Variants in STK32A observed in about 807,000 individuals in gnomAD.
STK32A encodes the protein serine/threonine-protein kinase 32A.
A neutral mutation model predicts 53.2 loss-of-function variants in STK32A; 41 were observed. The observed-to-expected ratio is 0.77, with a 90% CI of 0.60 to 1.00. STK32A has a LOEUF of 1.00. STK32A is among the 50% of genes least tolerant of loss of function. STK32A has a pLI of 0.00. For synonymous variants in STK32A, 166 were observed against 162.8 expected (o/e 1.02, Z -0.15); for missense variants, 458 against 485.8 (o/e 0.94, Z 0.54).
At position 147,383,493 on chromosome 5, in the gene STK32A, T is replaced by C; in HGVS notation, c.1085T>C (p.Phe362Ser). Residue 362 changes from phenylalanine to serine, a missense_variant, in exon 12 of 13, where the codon TTC (phenylalanine) becomes TCC (serine). Transcript: ENST00000397936. ...TCTGTCCAGAAGGAGTTCATAATTTTCAACAGAGAAAAGTAAGTAATTCCT... is the reference window on the plus strand; with the variant it reads ...TCTGTCCAGAAGGAGTTCATAATTTCCAACAGAGAAAAGTAAGTAATTCCT... ...LDSVQKEFIIFNREKVNRDFN... is the reference protein window; with the variant it reads ...LDSVQKEFIISNREKVNRDFN... 1 of 1,592,070 alleles carries C rather than the reference T, an allele frequency of 6.3e-7. No homozygotes were observed. Among genetic ancestry groups the C allele is most frequent in the Non-Finnish European group, 8.6e-7 (1 of 1,168,752 alleles).
intron 5 of STK32A, among the ~76,000 whole-genome samples, chr5:147,328,981 C>T (rs2151980540): frequency 6.6e-6 from 1 of 152,138 alleles, no homozygotes; most frequent in East Asian, 1.9e-4. Context: ...GAGAATTACC[C>T]CCCACTATAA....
intron 4 of STK32A, among the ~76,000 whole-genome samples, chr5:147,313,845 G>C (rs961703869): frequency 1.1e-4 from 16 of 152,150 alleles, no homozygotes; most frequent in African/African-American, 3.9e-4. Context: ...TCAACAACTG[G>C]TGCTGGGACA....
intron 5 of STK32A, among the ~76,000 whole-genome samples, chr5:147,332,928 T>C (rs1754943860): frequency 6.6e-6 from 1 of 152,206 alleles, no homozygotes; most frequent in South Asian, 2.1e-4. Flanking sequence ...TGAAAACCCA[T>C]GTGAAAAGGC....
intron 8 of STK32A, 69 bp downstream of exon 8, chr5:147,361,683 T>G (rs1756512133): frequency 4.5e-5 from 42 of 935,824 alleles, no homozygotes; most frequent in Non-Finnish European, 6.1e-5. Context: ...AAGAATGTAT[T>G]GTTTGCTAAG....
chr5:147,331,355 A>T (rs1754862401), intron 5 of STK32A, among the ~76,000 whole-genome samples: 1 of 152,136 alleles, frequency 6.6e-6, no homozygotes, highest in Non-Finnish European at 1.5e-5. Flanking sequence ...CTCTGAGGGG[A>T]TTAAGCAACT....
chr5:147,396,540 CAAG>C, the STK32A span, among the ~76,000 whole-genome samples: 2 of 152,160 alleles, frequency 1.3e-5, no homozygotes. Context: ...TGGATCATCA[CAAG>C]AAGTCCTGTC....
intron 5 of STK32A, among the ~76,000 whole-genome samples, chr5:147,328,395 A>C (rs1171535431): frequency 6.6e-6 from 1 of 152,212 alleles, no homozygotes; most frequent in Non-Finnish European, 1.5e-5. Context: ...ATGGACTTGA[A>C]CTTTTGGTAG....
In STK32A at chr5:147,385,994, A is replaced by C. The variant is rs1757631975; in HGVS notation, c.*2011A>C. ...CACTGGGGCAACCAAGTATGTGTAG[A>C]AAGCCAGAGCTAAACTTCAGCTTGG... On this transcript the variant is annotated 3_prime_UTR_variant, in exon 13 of 13. Coordinates refer to ENST00000397936, the MANE Select transcript of STK32A (RefSeq NM_001112724.2). 6.6e-6 allele frequency: 1 copy of C among 152,246 alleles called. No homozygotes were observed. Among genetic ancestry groups the C allele is most frequent in the Admixed American group, 6.5e-5 (1 of 15,284 alleles). The allele number at this position is 152,246 out of a possible 1,614,324, so 9.4% of individuals were successfully genotyped here.
chr5:147,298,004 T>C (rs1752948554), intron 4 of STK32A, among the ~76,000 whole-genome samples: 1 of 151,354 alleles, frequency 6.6e-6, no homozygotes, highest in Admixed American at 6.6e-5. Context: ...TACTATCTGA[T>C]GTTGGGTCAA....
Position 147,359,679 on chromosome 5 carries a change from C to A in STK32A, c.563-1838C>A, listed in dbSNP as rs186356074. ...AAGGGAGAGCAGAAATATAGTCCAT[C>A]CTGTCTGTGGGAGTAGTGTGGGGTC... On this transcript the variant is annotated intron_variant, in intron 7 of 12. Transcript: ENST00000397936. Among the ~76,000 whole-genome samples, 46 of 152,218 alleles carry A rather than the reference C, an allele frequency of 3.0e-4. 1 individual carries two copies. Among genetic ancestry groups the A allele is most frequent in the African/African-American group, 1.1e-3 (45 of 41,538 alleles).
At chr5:147,269,482 C>T (rs986177636) in intron 2 of STK32A, among the ~76,000 whole-genome samples, 1 of 152,210 alleles carries the variant, frequency 6.6e-6, no homozygotes, top group Non-Finnish European at 1.5e-5. Context: ...AGAAGCCAGA[C>T]GTGTGGGCAA....
At chr5:147,251,943 C>T (rs942601922) in intron 2 of STK32A, among the ~76,000 whole-genome samples, 1 of 152,092 alleles carries the variant, frequency 6.6e-6, no homozygotes, top group African/African-American at 2.4e-5. Context: ...TGGATCACAC[C>T]TCTAATCCCA....
chr5:147,400,387 G>T, the STK32A span, among the ~76,000 whole-genome samples: 1 of 152,154 alleles, frequency 6.6e-6, no homozygotes, highest in African/African-American at 2.4e-5. Context: ...CAAACAAAAA[G>T]AATTAACTCA....
chr5:147,269,181 C>A (rs555765224), intron 2 of STK32A, among the ~76,000 whole-genome samples: 8 of 152,298 alleles, frequency 5.3e-5, no homozygotes, highest in African/African-American at 1.9e-4. Context: ...ATATATGTAA[C>A]ATATTTAGAA....
the STK32A span, among the ~76,000 whole-genome samples, chr5:147,396,535 C>G: frequency 1.3e-5 from 2 of 152,166 alleles, no homozygotes; most frequent in Non-Finnish European, 2.9e-5. Context: ...CAGGATGGAT[C>G]ATCACAAGAA....
intron 8 of STK32A, among the ~76,000 whole-genome samples, chr5:147,365,609 T>C (rs190934513): frequency 3.3e-5 from 5 of 152,126 alleles, no homozygotes; most frequent in African/African-American, 1.2e-4. Flanking sequence ...ACATATCTGC[T>C]CTTTCCCACT....
intron 2 of STK32A, among the ~76,000 whole-genome samples, chr5:147,259,951 C>T (rs977630965): frequency 6.9e-6 from 1 of 144,256 alleles, no homozygotes; most frequent in African/African-American, 2.6e-5. Context: ...CTCTCTCTCT[C>T]CTCTCTGTCT....
chr5:147,329,273 A>T (rs1395648203), intron 5 of STK32A, among the ~76,000 whole-genome samples: 2 of 152,202 alleles, frequency 1.3e-5, no homozygotes, highest in African/African-American at 4.8e-5. Flanking sequence ...TGCAGATAGA[A>T]ATTATTTCTC....
chr5:147,388,208 A>G (rs907282984), downstream of STK32A, among the ~76,000 whole-genome samples: 6 of 152,086 alleles, frequency 3.9e-5, no homozygotes, highest in African/African-American at 1.4e-4. Context: ...CTACCCCTCA[A>G]CATCCGTGCC....
Sources: allele counts gnomAD v4.1 joint callset (sites outside exome capture counted in the v4.1 genomes callset), GRCh38; gene constraint gnomAD v4.1.1; transcripts MANE v1.5; gene names NCBI Gene and HGNC (gene_info 2026-07-23, HGNC 2026-07-21).